The following DNAH10 variants were observed in gnomAD, a reference collection of about 807,000 sequenced individuals.
DNAH10 encodes the protein axonemal beta dynein heavy chain 10.
DNAH10 carries 348 observed loss-of-function variants against 506.6 expected under a neutral mutation model. The observed-to-expected ratio is 0.69, with a 90% CI of 0.63 to 0.75. DNAH10 has a LOEUF of 0.75. Among genes scored for constraint, DNAH10 ranks in the 30% least tolerant of loss-of-function variants. The pLI, the probability that DNAH10 is intolerant of heterozygous loss-of-function variation, is 0.00. For missense variants in DNAH10, 5,179 were observed against 5,787.1 expected, an observed-to-expected ratio of 0.89 and a Z score of 3.41; for synonymous variants, 2,059 against 2,198.6, an observed-to-expected ratio of 0.94 and a Z score of 1.78.
chr12:123,839,220 A>C (rs569774693), intron 29 of DNAH10, among the ~76,000 whole-genome samples: 16 of 149,378 alleles, frequency 1.1e-4, no homozygotes, highest in African/African-American at 3.9e-4. Flanking sequence ...TAAACTAAAA[A>C]AAAAAAAAAA....
At chr12:123,767,837 T>G in intron 2 of DNAH10, 148 bp downstream of exon 2, 1 of 683,396 alleles carries the variant, frequency 1.5e-6, no homozygotes, top group Middle Eastern at 4.2e-4. Context: ...AATAGACGGA[T>G]GTAGTAGTTT....
chr12:123,802,701 T>G (rs1958519396), intron 16 of DNAH10, among the ~76,000 whole-genome samples: 1 of 152,078 alleles, frequency 6.6e-6, no homozygotes, highest in African/African-American at 2.4e-5. Context: ...TGACTCGGTT[T>G]CTCTGCATCC....
Position 123,881,819 on chromosome 12 carries a change from T to C in DNAH10, c.8823+6T>C. On this transcript the variant is annotated splice_donor_region_variant and intron_variant, in intron 51 of 78. Coordinates refer to ENST00000673944, the MANE Select transcript of DNAH10 (RefSeq NM_001372106.1). ...CCTTCACAGCCAGCTGTGAGGTCAG[T>C]CCACGTACCCTCCCAGAAATAGGTT... 6.8e-7 allele frequency: 1 copy of C among 1,475,258 alleles called. No individual in the cohort carries two copies. The highest frequency in any genetic ancestry group is 9.0e-7 in the Non-Finnish European group (1 of 1,112,032). 91.4% of individuals were successfully genotyped at this position (1,475,258 alleles called of 1,614,324 possible). A position where few individuals can be genotyped will look rare whatever the true frequency, so the allele number is the denominator to read the frequency against.
In DNAH10 at chr12:123,819,156, A is replaced by C; in HGVS notation, c.3906A>C (p.Arg1302=). 1.2e-6 allele frequency: 2 copies of C among 1,613,282 alleles called. No individual in the cohort carries two copies. Among genetic ancestry groups the C allele is most frequent in the Non-Finnish European group, 8.5e-7 (1 of 1,179,602 alleles). Residue 1302 remains arginine, a synonymous_variant, in exon 23 of 79, where the codon CGA becomes CGC. Transcript: ENST00000673944. ...DIKRTFTELT[R]GEIMNYRVQI... ...AACCTCGTTTTTCTCAGCTTACTCG[A>C]GGCGAAATAATGAACTACAGAGTTC...
chr12:123,820,542 AT>A, intron 23 of DNAH10, 37 bp from the exon 24 acceptor site: 1 of 1,589,688 alleles, frequency 6.3e-7, no homozygotes, highest in Non-Finnish European at 8.6e-7. Context: ...ACACCTTAAA[AT>A]TGTATTTATT....
At chr12:123,799,128 A>G in intron 13 of DNAH10, 118 bp from the exon 14 acceptor site, 1 of 578,958 alleles carries the variant, frequency 1.7e-6, no homozygotes, top group Non-Finnish European at 2.3e-6. Context: ...AAAAAATTAT[A>G]TAATGTTTAT....
intron 30 of DNAH10, among the ~76,000 whole-genome samples, chr12:123,842,681 T>G (rs1385953473): frequency 6.6e-6 from 1 of 152,262 alleles, no homozygotes; most frequent in Non-Finnish European, 1.5e-5. Flanking sequence ...GTGGATATGT[T>G]CAGTGGATAA....
At chr12:123,872,923 A>G (rs1952094172) in intron 45 of DNAH10, among the ~76,000 whole-genome samples, 1 of 152,220 alleles carries the variant, frequency 6.6e-6, no homozygotes, top group Admixed American at 6.5e-5. Flanking sequence ...ATGCATAATT[A>G]GTTAAGTGTG....
intron 21 of DNAH10, among the ~76,000 whole-genome samples, chr12:123,814,784 A>AT (rs987470761): frequency 4.0e-5 from 6 of 151,560 alleles, no homozygotes; most frequent in Middle Eastern, 3.4e-3. Flanking sequence ...CCGGCTAATT[A>AT]TTTTTTGTAT....
chr12:123,912,332 T>G (rs1594363189), intron 59 of DNAH10, among the ~76,000 whole-genome samples: 1 of 19,696 alleles, frequency 5.1e-5, no homozygotes, highest in Non-Finnish European at 9.2e-5. Flanking sequence ...CCTGGGTGGG[T>G]CTGTCCTGGG....
At chr12:123,823,843 A>T (rs909514846) in intron 24 of DNAH10, among the ~76,000 whole-genome samples, 2 of 152,022 alleles carry the variant, frequency 1.3e-5, no homozygotes, top group Admixed American at 6.6e-5. Context: ...ACTAGGTCTT[A>T]TTCATTCTTT....
rs1013484989 is a variant in DNAH10, at chr12:123,785,916, C to A, written c.1401C>A (p.Val467=). 2 of 1,613,060 alleles carry A rather than the reference C, an allele frequency of 1.2e-6. No homozygotes were observed. The highest frequency in any genetic ancestry group is 1.7e-6 in the Non-Finnish European group (2 of 1,179,166). Residue 467 remains valine, a synonymous_variant, in exon 9 of 79, where the codon GTC becomes GTA. Transcript: ENST00000673944. This position sits in a 1 kb window ranked among gnomAD's most constrained non-coding sequence, Gnocchi z 4.1. ...WEIAERVCRV[V]NLRTLFKENR... Reference sequence around the variant, plus strand: ...TCGCTGAGAGAGTCTGCCGAGTGGTCAACCTGCGGACTTTGTTCAAGTAAG... The same window carrying A: ...TCGCTGAGAGAGTCTGCCGAGTGGTAAACCTGCGGACTTTGTTCAAGTAAG...
rs1206813193 is a variant in DNAH10 at position 123,849,614 on chromosome 12, T to C, written c.6102+732T>C. Among the ~76,000 whole-genome samples, 3 of 152,310 alleles carry C rather than the reference T, an allele frequency of 2.0e-5. No homozygotes were observed. The East Asian group carries it at 5.8e-4, about 29-fold the overall frequency. ...CCTCCCCCCTCCATGCCCTGCACACTTGTCACTAAGCCACTTGCTCCACAG... is the reference window on the plus strand; with the variant it reads ...CCTCCCCCCTCCATGCCCTGCACACCTGTCACTAAGCCACTTGCTCCACAG... On this transcript the variant is annotated intron_variant, in intron 34 of 78. Transcript: ENST00000673944.
intron 50 of DNAH10, among the ~76,000 whole-genome samples, chr12:123,881,040 C>A (rs1161258381): frequency 6.6e-6 from 1 of 152,006 alleles, no homozygotes; most frequent in Non-Finnish European, 1.5e-5. Context: ...TTTCTTAATC[C>A]AGTCTATCAT....
chr12:123,841,547 T>A lies in DNAH10; in HGVS notation c.5360+2T>A. The A allele has an allele frequency of 6.2e-7, 1 of 1,613,012 alleles. No individual in the cohort carries two copies. Among genetic ancestry groups the A allele is most frequent in the Non-Finnish European group, 8.5e-7 (1 of 1,179,228 alleles). On this transcript the variant is annotated splice_donor_variant, in intron 30 of 78. Coordinates refer to ENST00000673944, the MANE Select transcript of DNAH10 (RefSeq NM_001372106.1). LOFTEE classifies it high-confidence loss of function. ...TAGATACTGTGAAGACAGAAGCAGG[T>A]AAGGCTGCGAATGTGGACATGCATT...
At chr12:123,768,480 G>T in intron 2 of DNAH10, among the ~76,000 whole-genome samples, 1 of 152,126 alleles carries the variant, frequency 6.6e-6, no homozygotes. Context: ...TGGATTTTGG[G>T]CCCACTCTAA....
At chr12:123,899,292 C>T (rs76982142) in intron 56 of DNAH10, among the ~76,000 whole-genome samples, 1,902 of 152,254 alleles carry the variant, frequency 0.012, 40 homozygotes, top group African/African-American at 0.039. Flanking sequence ...TCTACCCTCT[C>T]GCGATGCCTG....
At chr12:123,887,008 C>A in intron 51 of DNAH10, 134 bp from the exon 52 acceptor site, 1 of 1,131,428 alleles carries the variant, frequency 8.8e-7, no homozygotes. Context: ...CCAGACTTTT[C>A]TTTCCTGACC....
chr12:123,929,195 G>T, intron 70 of DNAH10, 80 bp from the exon 71 acceptor site: 2 of 1,401,408 alleles, frequency 1.4e-6, no homozygotes, highest in Non-Finnish European at 2.0e-6. Context: ...GAAGGAAAGC[G>T]CAGTGCCTGC....
Sources: gnomAD v4.1 joint callset for allele counts (sites outside exome capture counted in the v4.1 genomes callset) on GRCh38, gnomAD v4.1.1 for gene constraint, Gnocchi (gnomAD v3.1) non-coding constraint, MANE v1.5 for transcripts, NCBI Gene and HGNC (gene_info 2026-07-23, HGNC 2026-07-21) for gene names.